Variants in KANK1 observed in about 807,000 individuals in gnomAD.
KANK1 encodes KN motif and ankyrin repeat domains 1.
In KANK1, 109 loss-of-function variants were observed where a neutral mutation model predicts 106.2. The ratio of observed to expected loss-of-function variants is 1.03; its 90% confidence interval spans 0.88 to 1.20. The LOEUF (loss-of-function observed/expected upper bound fraction) is 1.20. Ranked by LOEUF, KANK1 falls within the 50% of genes most tolerant of loss-of-function variation. The probability of loss-of-function intolerance (pLI) is 0.00; values close to 1 mark genes in which losing one functional copy is unlikely to be tolerated. For missense variants in KANK1, 2,399 were observed against 1,710.7 expected, an observed-to-expected ratio of 1.40 and a Z score of -7.10; for synonymous variants, 873 against 652.2, an observed-to-expected ratio of 1.34 and a Z score of -5.16.
intron 1 of KANK1, among the ~76,000 whole-genome samples, chr9:640,844 C>T (rs150060960): frequency 2.0e-3 from 303 of 151,878 alleles, no homozygotes; most frequent in African/African-American, 6.8e-3. Flanking sequence ...CTACATGTGC[C>T]CGCCACCAGG....
intron 3 of KANK1, among the ~76,000 whole-genome samples, chr9:726,197 G>C (rs58950272): frequency 6.6e-6 from 1 of 151,838 alleles, no homozygotes; most frequent in East Asian, 1.9e-4. Flanking sequence ...TGGTGTGCTA[G>C]GGCAGGCCTT....
At chr9:623,920 C>G (rs980661611) in intron 1 of KANK1, among the ~76,000 whole-genome samples, 1 of 152,056 alleles carries the variant, frequency 6.6e-6, no homozygotes, top group Admixed American at 6.6e-5. Context: ...AAAGAGATAT[C>G]TTCACTTCCA....
At chr9:567,254 T>C (rs1001438539) in intron 1 of KANK1, among the ~76,000 whole-genome samples, 9 of 152,204 alleles carry the variant, frequency 5.9e-5, no homozygotes, top group Admixed American at 2.0e-4. Context: ...AGCCCAGTAG[T>C]GTAGTTTGAA....
chr9:543,245 T>C (rs534434148), intron 1 of KANK1, among the ~76,000 whole-genome samples: 1 of 152,182 alleles, frequency 6.6e-6, no homozygotes, highest in Non-Finnish European at 1.5e-5. Flanking sequence ...AATTTTTCTA[T>C]ACAATGTAAT....
chr9:682,945 G>A (rs16922510), intron 2 of KANK1, among the ~76,000 whole-genome samples: 24,268 of 152,104 alleles, frequency 0.16, 2,774 homozygotes, highest in East Asian at 0.33. Context: ...GGGCAGGAGC[G>A]TTTCTCAAAC....
chr9:679,334 A>G (rs1817045045), intron 2 of KANK1, among the ~76,000 whole-genome samples: 1 of 152,212 alleles, frequency 6.6e-6, no homozygotes, highest in Non-Finnish European at 1.5e-5. Flanking sequence ...GTATATGTAT[A>G]TACACACATA....
intron 1 of KANK1, among the ~76,000 whole-genome samples, chr9:604,589 T>C (rs1828612729): frequency 6.6e-6 from 1 of 151,766 alleles, no homozygotes; most frequent in Admixed American, 6.6e-5. Flanking sequence ...CCCAGCACTT[T>C]GAGAGACCAA....
At position 746,086 on chromosome 9, in the gene KANK1, A is replaced by AAAATTCC. The variant is rs1837088253; in HGVS notation, c.*853_*859dup. On this transcript the variant is annotated 3_prime_UTR_variant, in exon 12 of 12. Transcript: ENST00000382297. Reference sequence around the variant, plus strand: ...TAGACTCTTGCCATATTTTCAAAATAAAATTCCATTAAGCTCTTTTCCTTG... The same window carrying AAAATTCC: ...TAGACTCTTGCCATATTTTCAAAATAAAATTCCAAATTCCATTAAGCTCTTTTCCTTG... 1 of 152,462 alleles carries AAAATTCC rather than the reference A, an allele frequency of 6.6e-6. No individual in the cohort carries two copies. The highest frequency in any genetic ancestry group is 1.5e-5 in the Non-Finnish European group (1 of 68,052). 9.4% of individuals were successfully genotyped at this position (152,462 alleles called of 1,614,324 possible). A position where few individuals can be genotyped will look rare whatever the true frequency, so the allele number is the denominator to read the frequency against.
intron 1 of KANK1, among the ~76,000 whole-genome samples, chr9:537,512 G>T (rs2060362312): frequency 6.6e-6 from 1 of 152,074 alleles, no homozygotes; most frequent in Non-Finnish European, 1.5e-5. Context: ...TAATTTGGGG[G>T]GGCTCTTTTT....
intron 1 of KANK1, among the ~76,000 whole-genome samples, chr9:632,050 C>T (rs1228152209): frequency 2.6e-5 from 4 of 152,252 alleles, no homozygotes; most frequent in South Asian, 4.2e-4. Flanking sequence ...TCCCTGTCTC[C>T]GTAGCATTGT....
At chr9:737,184 G>C (rs1834021316) in intron 7 of KANK1, among the ~76,000 whole-genome samples, 1 of 152,104 alleles carries the variant, frequency 6.6e-6, no homozygotes, top group Non-Finnish European at 1.5e-5. Context: ...CCTTCTTTCA[G>C]TGTGACAACT....
chr9:569,571 C>T (rs1487798922), intron 1 of KANK1, among the ~76,000 whole-genome samples: 1 of 152,138 alleles, frequency 6.6e-6, no homozygotes, highest in Non-Finnish European at 1.5e-5. Flanking sequence ...GACTTCTCAG[C>T]CTTTGTACCT....
chr9:693,805 A>T, intron 2 of KANK1: 1 of 985,390 alleles, frequency 1.0e-6, no homozygotes, highest in Non-Finnish European at 1.2e-6. Context: ...GAATGCCCAC[A>T]AAAGAAAGAG....
At chr9:611,185 G>C (rs1298833579) in intron 1 of KANK1, among the ~76,000 whole-genome samples, 1 of 152,134 alleles carries the variant, frequency 6.6e-6, no homozygotes, top group Non-Finnish European at 1.5e-5. Context: ...TCAGCCCCCT[G>C]AGTTCCATTT....
intron 1 of KANK1, among the ~76,000 whole-genome samples, chr9:566,232 C>T (rs1272744602): frequency 6.6e-6 from 1 of 152,146 alleles, no homozygotes; most frequent in Non-Finnish European, 1.5e-5. Context: ...TGTATATGTT[C>T]CACATTTTCT....
At chr9:661,917 T>C (rs1222497783) in intron 1 of KANK1, among the ~76,000 whole-genome samples, 1 of 152,114 alleles carries the variant, frequency 6.6e-6, no homozygotes. Flanking sequence ...GCTGCATAAA[T>C]GTCTTCTTTT....
chr9:572,571 T>G (rs1241191806), intron 1 of KANK1, among the ~76,000 whole-genome samples: 2 of 151,870 alleles, frequency 1.3e-5, no homozygotes, highest in Non-Finnish European at 2.9e-5. Flanking sequence ...AAATTTTTTT[T>G]GTAGAGACAG....
intron 1 of KANK1, among the ~76,000 whole-genome samples, chr9:674,532 GT>G (rs1424707751): frequency 6.6e-6 from 1 of 152,114 alleles, no homozygotes; most frequent in Non-Finnish European, 1.5e-5. Context: ...CTCACCCTGT[GT>G]GATCAAAGCA....
Position 731,168 on chromosome 9 carries a change from C to A in KANK1, c.2907C>A (p.Asn969Lys). 1 of 1,601,258 alleles carries A rather than the reference C, an allele frequency of 6.2e-7. No homozygotes were observed. The highest frequency in any genetic ancestry group is 8.5e-7 in the Non-Finnish European group (1 of 1,169,638). Residue 969 changes from asparagine to lysine, a missense_variant, in exon 5 of 12, where the codon AAC becomes AAA. By Grantham distance (94) the Asn-to-Lys change is moderately conservative. Coordinates refer to ENST00000382297, the MANE Select transcript of KANK1 (RefSeq NM_015158.5). ...TTGACTTTTTCACAGCATGTACAAA[C>A]AATGAAAGTACACTGAAGTCCATCA... Reference protein sequence around the residue: ...QIAAGLYACTNNESTLKSIMK... With the variant: ...QIAAGLYACTKNESTLKSIMK...
Sources: gnomAD v4.1 joint callset for allele counts (sites outside exome capture counted in the v4.1 genomes callset) on GRCh38, gnomAD v4.1.1 for gene constraint, MANE v1.5 for transcripts, NCBI Gene and HGNC (gene_info 2026-07-23, HGNC 2026-07-21) for gene names.